Variants in RGSL1 observed in about 807,000 individuals in gnomAD.
The protein encoded by RGSL1 is regulator of G protein signaling protein-like.
In RGSL1, 97 loss-of-function variants were observed where a neutral mutation model predicts 124.7. That is an observed-to-expected ratio of 0.78 (90% confidence interval 0.66 to 0.92). The LOEUF (loss-of-function observed/expected upper bound fraction) is 0.92, where lower values mean the gene tolerates loss of function less well. Among genes scored for constraint, RGSL1 ranks in the 40% least tolerant of loss-of-function variants. The pLI, the probability that RGSL1 is intolerant of heterozygous loss-of-function variation, is 0.00. For synonymous variants in RGSL1, 424 were observed against 438.1 expected (o/e 0.97, Z 0.40); for missense variants, 1,233 against 1,288.4 (o/e 0.96, Z 0.66).
chr1:182,459,852 C>A (rs971942663), intron 3 of RGSL1, among the ~76,000 whole-genome samples, 152 bp from the exon 4 acceptor site: 2 of 152,160 alleles, frequency 1.3e-5, no homozygotes, highest in Non-Finnish European at 2.9e-5. Flanking sequence ...AGTCCAGGTT[C>A]CAGGTTTATA....
At chr1:182,457,442 G>A (rs1445203631) in intron 2 of RGSL1, among the ~76,000 whole-genome samples, 1 of 152,144 alleles carries the variant, frequency 6.6e-6, no homozygotes, top group Non-Finnish European at 1.5e-5. Context: ...CCTAAGGACT[G>A]AGTCTCCTTT....
intron 4 of RGSL1, among the ~76,000 whole-genome samples, chr1:182,465,122 T>C (rs916652390): frequency 2.0e-5 from 3 of 151,928 alleles, no homozygotes; most frequent in Non-Finnish European, 4.4e-5. Context: ...TTACTATCAA[T>C]TCTACAGAAA....
intron 9 of RGSL1, among the ~76,000 whole-genome samples, chr1:182,508,612 T>A (rs1657030075): frequency 6.6e-6 from 1 of 151,394 alleles, no homozygotes; most frequent in Non-Finnish European, 1.5e-5. Flanking sequence ...ATAGTTTTGA[T>A]TTGCATTTCT....
intron 1 of RGSL1, among the ~76,000 whole-genome samples, chr1:182,452,767 C>G (rs1651954777): frequency 6.6e-6 from 1 of 152,022 alleles, no homozygotes; most frequent in African/African-American, 2.4e-5. Flanking sequence ...GTTTCTAATT[C>G]TATTTCTAAT....
chr1:182,452,521 C>T (rs1280500766), intron 1 of RGSL1, among the ~76,000 whole-genome samples: 1 of 151,220 alleles, frequency 6.6e-6, no homozygotes, highest in Non-Finnish European at 1.5e-5. Context: ...GGTGCGATCT[C>T]GGCTCACTGC....
chr1:182,552,306 G>A (rs1052735585), intron 18 of RGSL1, among the ~76,000 whole-genome samples: 35 of 152,024 alleles, frequency 2.3e-4, no homozygotes, highest in Admixed American at 2.2e-3. Context: ...GTAGAGACGG[G>A]GGTTTCACCA....
intron 8 of RGSL1, 109 bp downstream of exon 8, chr1:182,489,311 A>T: frequency 1.0e-6 from 1 of 990,436 alleles, no homozygotes; most frequent in Non-Finnish European, 1.5e-6. Flanking sequence ...CAGTGCAGGG[A>T]TTACCTAATT....
At position 182,530,190 on chromosome 1, in the gene RGSL1, T is replaced by C. The variant is rs1182374737; in HGVS notation, c.2126-54T>C. On this transcript the variant is annotated intron_variant, in intron 11 of 21. Transcript: ENST00000294854. Reference sequence around the variant, plus strand: ...AAAAAAAACAAAAAACCACCAGCTATCTCAGAAATGGTAGATGAGGATTAC... The same window carrying C: ...AAAAAAAACAAAAAACCACCAGCTACCTCAGAAATGGTAGATGAGGATTAC... The C allele has an allele frequency of 5.3e-6, 7 of 1,328,844 alleles. No homozygotes were observed. The South Asian group carries it at 6.8e-5, about 13-fold the overall frequency. The allele number at this position is 1,328,844 out of a possible 1,614,324, so 82.3% of individuals were successfully genotyped here. A position where few individuals can be genotyped will look rare whatever the true frequency, so the allele number is the denominator to read the frequency against.
At chr1:182,510,227 C>T (rs1291727167) in intron 9 of RGSL1, among the ~76,000 whole-genome samples, 8 of 22,350 alleles carry the variant, frequency 3.6e-4, no homozygotes, top group African/African-American at 4.6e-4. Context: ...TCCTCACATC[C>T]CAGACGATGG....
At chr1:182,557,623 G>T (rs1251246892) in intron 21 of RGSL1, among the ~76,000 whole-genome samples, 2 of 152,158 alleles carry the variant, frequency 1.3e-5, no homozygotes, top group Non-Finnish European at 2.9e-5. Flanking sequence ...TTTGAACTTA[G>T]ATCTTTGCCC....
At chr1:182,488,952 C>T (rs889920188) in intron 7 of RGSL1, 28 bp from the exon 8 acceptor site, 1 of 1,527,048 alleles carries the variant, frequency 6.5e-7, no homozygotes, top group East Asian at 2.5e-5. Flanking sequence ...GTAACAAATG[C>T]CATCTTCCCC....
intron 11 of RGSL1, among the ~76,000 whole-genome samples, chr1:182,529,634 A>G (rs569794174): frequency 1.3e-5 from 2 of 152,334 alleles, no homozygotes; most frequent in East Asian, 3.9e-4. Context: ...AACCAAGATA[A>G]GAAAATAAAT....
rs960096248 is a variant in RGSL1 at position 182,473,562 on chromosome 1, G to A, written c.464-13G>A. 9 of 1,514,926 alleles carry A rather than the reference G, an allele frequency of 5.9e-6. No homozygotes were observed. The highest frequency in any genetic ancestry group is 8.0e-6 in the Non-Finnish European group (9 of 1,130,102). 93.8% of individuals were successfully genotyped at this position (1,514,926 alleles called of 1,614,324 possible). ...CATCATTTTCACCCATGATTTCTCT[G>A]TATTATTTCCAGAGTCCCTCCTGAA... On this transcript the variant is annotated splice_polypyrimidine_tract_variant and intron_variant, in intron 5 of 21. Transcript: ENST00000294854.
chr1:182,481,561 G>A (rs1049339193), intron 6 of RGSL1, among the ~76,000 whole-genome samples: 11 of 152,148 alleles, frequency 7.2e-5, no homozygotes, highest in Non-Finnish European at 1.5e-4. Flanking sequence ...AAAGTATAAG[G>A]AGAGAGAACA....
chr1:182,533,758 C>G (rs1659354773), intron 14 of RGSL1, among the ~76,000 whole-genome samples: 1 of 152,160 alleles, frequency 6.6e-6, no homozygotes, highest in Admixed American at 6.5e-5. Flanking sequence ...GCTAGTGTTA[C>G]TGCTATTATT....
intron 9 of RGSL1, among the ~76,000 whole-genome samples, chr1:182,512,842 C>T (rs1039710581): frequency 6.6e-6 from 1 of 152,188 alleles, no homozygotes; most frequent in Non-Finnish European, 1.5e-5. Flanking sequence ...TTGGCTACCC[C>T]ATGGCTGATC....
chr1:182,514,431 A>T (rs1463311837), intron 9 of RGSL1, among the ~76,000 whole-genome samples: 1 of 152,094 alleles, frequency 6.6e-6, no homozygotes. Context: ...CTCATCCCCA[A>T]ATCTCTCTGC....
At chr1:182,451,626 T>C (rs1274169930) in intron 1 of RGSL1, among the ~76,000 whole-genome samples, 4 of 150,104 alleles carry the variant, frequency 2.7e-5, no homozygotes, top group African/African-American at 4.9e-5. Flanking sequence ...AGGCAGGAAA[T>C]GAGACTGGGA....
chr1:182,506,693 A>G (rs1231460308), intron 9 of RGSL1, among the ~76,000 whole-genome samples: 1 of 152,184 alleles, frequency 6.6e-6, no homozygotes, highest in African/African-American at 2.4e-5. Flanking sequence ...TATTTAGTCC[A>G]CTTACATTTG....
Sources: allele counts gnomAD v4.1 joint callset (sites outside exome capture counted in the v4.1 genomes callset), GRCh38; gene constraint gnomAD v4.1.1; transcripts MANE v1.5; gene names NCBI Gene and HGNC (gene_info 2026-07-23, HGNC 2026-07-21).